ZNF385D: variants seen among roughly 807,000 people sequenced by gnomAD.
ZNF385D encodes zinc finger protein 659.
ZNF385D carries 15 observed loss-of-function variants against 35.8 expected under a neutral mutation model. The ratio of observed to expected loss-of-function variants is 0.42; its 90% CI spans 0.28 to 0.64. The LOEUF (loss-of-function observed/expected upper bound fraction) is 0.64. Ranked by LOEUF, ZNF385D falls within the 30% of genes least tolerant of loss-of-function variation. The pLI, the probability that ZNF385D is intolerant of heterozygous loss-of-function variation, is 0.23. For missense variants in ZNF385D, 474 were observed against 494.6 expected (o/e 0.96, Z 0.39); for synonymous variants, 212 against 186.8 (o/e 1.13, Z -1.10).
intron 2 of ZNF385D, among the ~76,000 whole-genome samples, chr3:22,324,192 G>A (rs188314829): frequency 3.5e-4 from 54 of 152,188 alleles, no homozygotes; most frequent in African/African-American, 1.3e-3. Context: ...AATAATTTTG[G>A]TGCTCCTAAT....
chr3:22,156,990 C>T (rs1237802222), intron 3 of ZNF385D, among the ~76,000 whole-genome samples: 1 of 152,130 alleles, frequency 6.6e-6, no homozygotes, highest in African/African-American at 2.4e-5. Context: ...TCTGAAAAAA[C>T]TCTTCAGCAC....
chr3:22,355,068 A>G (rs573219839), intron 2 of ZNF385D, among the ~76,000 whole-genome samples: 216 of 152,114 alleles, frequency 1.4e-3, no homozygotes, highest in African/African-American at 4.6e-3. Context: ...GAGCCTCTAT[A>G]TTTACTTATG....
At chr3:21,933,045 C>T (rs529211213) in intron 3 of ZNF385D, among the ~76,000 whole-genome samples, 5 of 152,208 alleles carry the variant, frequency 3.3e-5, no homozygotes, top group East Asian at 1.9e-4. Context: ...AGAGAGACAG[C>T]GGAAAACTTC....
At position 22,041,974 on chromosome 3, in the gene ZNF385D, A is replaced by T. The variant is rs1272028065; in HGVS notation, c.325+126843T>A. The stretch of plus-strand genomic sequence containing the variant: ...GGTGGCTGAATTAAGACCAGTATAA[A>T]CTTTTAGCAGTATTTTATTGCCTTA... On this transcript the variant is annotated intron_variant, in intron 3 of 5. Transcript: ENST00000494108. Among the ~76,000 whole-genome samples the T allele has an allele frequency of 3.3e-5, 5 of 152,304 alleles. No homozygotes were observed. The East Asian group carries it at 7.7e-4, about 24-fold the overall frequency.
intron 3 of ZNF385D, among the ~76,000 whole-genome samples, chr3:22,025,565 G>A (rs1697487185): frequency 6.6e-6 from 1 of 152,136 alleles, no homozygotes; most frequent in Non-Finnish European, 1.5e-5. Context: ...CTGTAAGTAG[G>A]AACTCTGCAT....
At chr3:21,580,386 A>G (rs955713581) in intron 2 of ZNF385D, among the ~76,000 whole-genome samples, 14 of 152,152 alleles carry the variant, frequency 9.2e-5, no homozygotes, top group African/African-American at 3.4e-4. Context: ...AACAATAGAT[A>G]TTTTTGAAAT....
At chr3:21,782,604 C>G (rs1352421423) in intron 3 of ZNF385D, among the ~76,000 whole-genome samples, 1 of 152,102 alleles carries the variant, frequency 6.6e-6, no homozygotes, top group Non-Finnish European at 1.5e-5. Context: ...GTGCTTTGAA[C>G]AGGTTACTTA....
chr3:21,911,132 A>T (rs2125913101), intron 3 of ZNF385D, among the ~76,000 whole-genome samples: 1 of 152,102 alleles, frequency 6.6e-6, no homozygotes, highest in Admixed American at 6.6e-5. Flanking sequence ...GCTCTTCCAA[A>T]ATGCAAAATA....
rs566011968 is a variant in ZNF385D, at chr3:22,223,266, T to C, written c.107-54231A>G. Among the ~76,000 whole-genome samples the C allele has an allele frequency of 3.0e-4, 46 of 152,280 alleles. No homozygotes were observed. The South Asian group carries it at 9.1e-3, about 30-fold the overall frequency. ...AAATTTAATATACATATTGTACTTA[T>C]TTGTTTGTCCTTCGTGTTTTCTCTA... On this transcript the variant is annotated intron_variant, in intron 2 of 5. Transcript: ENST00000494108.
intron 2 of ZNF385D, among the ~76,000 whole-genome samples, chr3:22,300,695 T>A (rs927412185): frequency 6.6e-6 from 1 of 152,002 alleles, no homozygotes; most frequent in Admixed American, 6.6e-5. Flanking sequence ...AAACGTTCAA[T>A]ATCACTAATC....
chr3:22,255,711 G>C (rs1321730456), intron 2 of ZNF385D, among the ~76,000 whole-genome samples: 2 of 150,868 alleles, frequency 1.3e-5, no homozygotes, highest in East Asian at 3.9e-4. Flanking sequence ...TTTGTGAGAA[G>C]TGGTAAAGTT....
chr3:22,012,616 A>G (rs1051658844), intron 3 of ZNF385D, among the ~76,000 whole-genome samples: 17 of 152,228 alleles, frequency 1.1e-4, no homozygotes, highest in Admixed American at 6.5e-4. Context: ...CTAATGAGAT[A>G]GGAATGTGGA....
intron 3 of ZNF385D, among the ~76,000 whole-genome samples, chr3:22,016,913 T>C (rs1473881518): frequency 6.6e-6 from 1 of 151,370 alleles, no homozygotes; most frequent in Non-Finnish European, 1.5e-5. Flanking sequence ...TCTATCTATC[T>C]ATCCTGTCCA....
rs866878831 is a variant in ZNF385D, at chr3:21,531,778, G to A, written c.277-20755C>T. ...GATAAAAAGGTGGAACACAGAGAAC[G>A]TCTAAGGCAATGAAGCTATTCTGTA... is the stretch of plus-strand genomic sequence containing the variant. On this transcript the variant is annotated intron_variant, in intron 3 of 7. Coordinates refer to ENST00000281523, the MANE Select transcript of ZNF385D (RefSeq NM_024697.3). Among the ~76,000 whole-genome samples the A allele has an allele frequency of 5.9e-5, 9 of 152,254 alleles. No homozygotes were observed. In the East Asian group the frequency reaches 1.5e-3, roughly 26 times the overall value.
At chr3:21,803,195 A>G (rs2072488151) in intron 3 of ZNF385D, among the ~76,000 whole-genome samples, 1 of 152,154 alleles carries the variant, frequency 6.6e-6, no homozygotes, top group African/African-American at 2.4e-5. Context: ...ACCTAAGGGT[A>G]GTCATCACAG....
At chr3:21,930,627 AAG>A (rs1216455918) in intron 3 of ZNF385D, among the ~76,000 whole-genome samples, 1 of 152,146 alleles carries the variant, frequency 6.6e-6, no homozygotes, top group Non-Finnish European at 1.5e-5. Context: ...ACAATGGCAT[AAG>A]GAAAGGCAGT....
chr3:21,464,832 C>G (rs1703413104), intron 4 of ZNF385D, among the ~76,000 whole-genome samples: 1 of 151,314 alleles, frequency 6.6e-6, no homozygotes, highest in Admixed American at 6.6e-5. Context: ...AGATGCGTAG[C>G]CTATTAAATA....
intron 2 of ZNF385D, among the ~76,000 whole-genome samples, chr3:22,335,420 T>C (rs1198792479): frequency 6.6e-6 from 1 of 152,318 alleles, no homozygotes; most frequent in Middle Eastern, 3.4e-3. Flanking sequence ...TAATATTTTT[T>C]CCTTCCAGAT....
chr3:21,778,292 C>G (rs1336178005), intron 3 of ZNF385D, among the ~76,000 whole-genome samples: 1 of 151,878 alleles, frequency 6.6e-6, no homozygotes, highest in Admixed American at 6.6e-5. Flanking sequence ...ACATTTCTCA[C>G]CACAAACACA....
Sources: gnomAD v4.1 joint callset for allele counts (sites outside exome capture counted in the v4.1 genomes callset) on GRCh38, gnomAD v4.1.1 for gene constraint, MANE v1.5 for transcripts, NCBI Gene and HGNC (gene_info 2026-07-23, HGNC 2026-07-21) for gene names.